Variants in DPP6 observed in about 807,000 individuals in gnomAD.
The protein encoded by DPP6 is dipeptidyl peptidase like 6, also known as A-type potassium channel modulatory protein DPP6.
Under a neutral mutation model 122.6 loss-of-function variants are expected in DPP6, and 69 were observed. The ratio of observed to expected loss-of-function variants is 0.56; its 90% confidence interval spans 0.46 to 0.69. The LOEUF (loss-of-function observed/expected upper bound fraction) is 0.69. DPP6 is among the 30% of genes least tolerant of loss of function. The probability of loss-of-function intolerance (pLI) is 0.00; values close to 1 mark genes in which losing one functional copy is unlikely to be tolerated. For missense variants in DPP6, 928 were observed against 1,116.9 expected (o/e 0.83, Z 2.41); for synonymous variants, 418 against 433.1 (o/e 0.97, Z 0.43).
chr7:154,058,135 C>T (rs564282353), intron 1 of DPP6: 1 of 147,910 alleles, frequency 6.8e-6, no homozygotes, highest in South Asian at 2.2e-4. Flanking sequence ...TCTTCCCCCC[C>T]CTGGCTCTTG....
At chr7:154,306,544 T>C (rs143552737) in intron 1 of DPP6, among the ~76,000 whole-genome samples, 2 of 152,156 alleles carry the variant, frequency 1.3e-5, no homozygotes, top group African/African-American at 4.8e-5. Flanking sequence ...GCGACCTCTT[T>C]AGAGTTCAGG....
chr7:153,961,649 G>A (rs1188633875), intron 1 of DPP6, among the ~76,000 whole-genome samples: 3 of 151,792 alleles, frequency 2.0e-5, no homozygotes, highest in Non-Finnish European at 2.9e-5. Context: ...ACATTGTAAC[G>A]TATAATGAAA....
At chr7:154,779,460 T>C (rs1363936439) in intron 10 of DPP6, among the ~76,000 whole-genome samples, 1 of 152,158 alleles carries the variant, frequency 6.6e-6, no homozygotes, top group Non-Finnish European at 1.5e-5. Context: ...ACATTTACAA[T>C]GTCAATAACC....
At chr7:154,555,013 A>G (rs761930332) in intron 4 of DPP6, among the ~76,000 whole-genome samples, 2 of 152,138 alleles carry the variant, frequency 1.3e-5, no homozygotes, top group Non-Finnish European at 2.9e-5. Context: ...AATATGCTAA[A>G]GGTTGTTTAC....
intron 1 of DPP6, chr7:154,058,669 C>T (rs1212568436): frequency 6.7e-6 from 1 of 149,396 alleles, no homozygotes; most frequent in Non-Finnish European, 1.5e-5. Context: ...ACCTGGAGGA[C>T]TGCGGGTGGT....
intron 1 of DPP6, among the ~76,000 whole-genome samples, chr7:154,104,796 T>C (rs770775496): frequency 6.6e-6 from 1 of 151,232 alleles, no homozygotes; most frequent in Non-Finnish European, 1.5e-5. Flanking sequence ...CACACCTCTA[T>C]GTGTGTGCTT....
At chr7:153,934,746 C>T (rs898284974) in intron 1 of DPP6, among the ~76,000 whole-genome samples, 1 of 151,990 alleles carries the variant, frequency 6.6e-6, no homozygotes, top group Non-Finnish European at 1.5e-5. Context: ...TGTTTTGCTA[C>T]AAAACCCACT....
intron 3 of DPP6, among the ~76,000 whole-genome samples, chr7:154,511,739 A>G (rs13232525): frequency 0.15 from 22,953 of 152,238 alleles, 1,858 homozygotes; most frequent in Admixed American, 0.23. Flanking sequence ...TAAGCCATAC[A>G]AATACTCCAT....
At chr7:154,271,029 AC>A (rs1803753011) in intron 1 of DPP6, among the ~76,000 whole-genome samples, 1 of 152,204 alleles carries the variant, frequency 6.6e-6, no homozygotes, top group African/African-American at 2.4e-5. Flanking sequence ...GTGATCAAAG[AC>A]TGGGTTGATG....
chr7:154,045,191 T>C (rs982875422), intron 1 of DPP6, among the ~76,000 whole-genome samples: 2 of 73,314 alleles, frequency 2.7e-5, no homozygotes, highest in Middle Eastern at 5.8e-3. Context: ...GAATAAAGTC[T>C]TAGAAAAGAT....
At chr7:154,565,794 G>T (rs961822723) in intron 4 of DPP6, among the ~76,000 whole-genome samples, 1 of 152,188 alleles carries the variant, frequency 6.6e-6, no homozygotes, top group Non-Finnish European at 1.5e-5. Flanking sequence ...CAAAGTGCTG[G>T]GATTACAGGC....
intron 1 of DPP6, among the ~76,000 whole-genome samples, chr7:154,227,228 A>ACACACACACACACACACACC (rs1443310749): frequency 1.1e-4 from 16 of 151,776 alleles, no homozygotes; most frequent in African/African-American, 3.9e-4. Context: ...ACACACACAC[A>ACACACACACACACACACACC]CACCCCTAGG....
intron 1 of DPP6, among the ~76,000 whole-genome samples, chr7:154,276,069 A>G (rs1804107189): frequency 1.3e-5 from 2 of 152,180 alleles, no homozygotes; most frequent in South Asian, 2.1e-4. Context: ...TGAGGCCAGC[A>G]CTCCAGGCTA....
chr7:154,150,785 G>A (rs779929894), intron 1 of DPP6, among the ~76,000 whole-genome samples: 8 of 152,102 alleles, frequency 5.3e-5, no homozygotes, highest in Non-Finnish European at 1.0e-4. Context: ...ATGCAGACGC[G>A]GACTCTGAGC....
chr7:154,318,666 A>T (rs1807646843), intron 1 of DPP6, among the ~76,000 whole-genome samples: 1 of 152,216 alleles, frequency 6.6e-6, no homozygotes, highest in South Asian at 2.1e-4. Flanking sequence ...TTGTACCCGT[A>T]AGTTTGGAAT....
At chr7:153,771,643 C>A in the DPP6 span, among the ~76,000 whole-genome samples, 1 of 152,144 alleles carries the variant, frequency 6.6e-6, no homozygotes, top group South Asian at 2.1e-4. Flanking sequence ...CCTGGCCCCC[C>A]TGAAGTGATC....
At chr7:153,757,556 T>A in the DPP6 span, among the ~76,000 whole-genome samples, 1 of 152,080 alleles carries the variant, frequency 6.6e-6, no homozygotes, top group Non-Finnish European at 1.5e-5. Flanking sequence ...TTGTGTCAGG[T>A]GGGTGGGCAC....
intron 21 of DPP6, chr7:154,884,681 AC>A (rs1805962417): frequency 6.6e-6 from 1 of 150,724 alleles, no homozygotes; most frequent in South Asian, 2.1e-4. Flanking sequence ...ATGCTCACAC[AC>A]AAGCACACAT....
At chr7:154,399,948 G>T (rs575063824) in intron 1 of DPP6, among the ~76,000 whole-genome samples, 3 of 152,158 alleles carry the variant, frequency 2.0e-5, no homozygotes, top group Non-Finnish European at 4.4e-5. Context: ...AAGAGAGTTT[G>T]CCAAGGTCAA....
Sources: allele counts gnomAD v4.1 joint callset (sites outside exome capture counted in the v4.1 genomes callset), GRCh38; gene constraint gnomAD v4.1.1; transcripts MANE v1.5; gene names NCBI Gene and HGNC (gene_info 2026-07-23, HGNC 2026-07-21).